PCDH15: variants seen among roughly 807,000 people sequenced by gnomAD.
The protein encoded by PCDH15 is protocadherin-15.
In PCDH15, 129 loss-of-function variants were observed where a neutral mutation model predicts 178.5. That is an observed-to-expected ratio of 0.72 (90% CI 0.63 to 0.84). The LOEUF is 0.84. Ranked by LOEUF, PCDH15 falls within the 40% of genes least tolerant of loss-of-function variation. The probability of loss-of-function intolerance (pLI) is 0.00; values close to 1 mark genes in which losing one functional copy is unlikely to be tolerated. For missense variants in PCDH15, 2,230 were observed against 2,099.9 expected, an observed-to-expected ratio of 1.06 and a Z score of -1.21; for synonymous variants, 800 against 732.0, an observed-to-expected ratio of 1.09 and a Z score of -1.50.
intron 3 of PCDH15, among the ~76,000 whole-genome samples, chr10:54,518,411 C>T (rs968153527): frequency 4.6e-5 from 7 of 151,990 alleles, no homozygotes; most frequent in African/African-American, 1.5e-4. Flanking sequence ...TACAAACTAC[C>T]ATCAGAGAAT....
chr10:54,854,119 A>G (rs946830655), intron 3 of PCDH15, among the ~76,000 whole-genome samples: 1 of 152,154 alleles, frequency 6.6e-6, no homozygotes, highest in African/African-American at 2.4e-5. Flanking sequence ...CGGGACGGGC[A>G]GCTCCTGATG....
In PCDH15 at chr10:54,237,498, A is replaced by G. The variant is rs551703183; in HGVS notation, c.877-567T>C. Among the ~76,000 whole-genome samples, 13 of 152,308 alleles carry G rather than the reference A, an allele frequency of 8.5e-5. No individual in the cohort carries two copies. In the East Asian group the frequency reaches 2.3e-3, roughly 27 times the overall value. On this transcript the variant is annotated intron_variant, in intron 8 of 37. Coordinates refer to ENST00000644397, the MANE Select transcript of PCDH15 (RefSeq NM_001384140.1). ...ATGGTCTATAAGAAATAATGTTTAA[A>G]ATTATAATATACTTCTTTAATTTGG... is the stretch of plus-strand genomic sequence containing the variant.
chr10:54,552,860 G>C (rs188248874), intron 2 of PCDH15, among the ~76,000 whole-genome samples: 1 of 152,112 alleles, frequency 6.6e-6, no homozygotes, highest in Admixed American at 6.6e-5. Flanking sequence ...AAAAAATAAA[G>C]AACTTCACTG....
rs180970495 is a variant in PCDH15, at chr10:54,193,314, A to G, written c.1305+2369T>C. Among the ~76,000 whole-genome samples, 27 of 152,302 alleles carry G rather than the reference A, an allele frequency of 1.8e-4. No individual in the cohort carries two copies. The South Asian group carries it at 2.7e-3, about 15-fold the overall frequency. ...AGGGCTTAGTGTGTAACCAATAGAT[A>G]ATATGAACACACTGAGAAGGTATAA... is the stretch of plus-strand genomic sequence containing the variant. On this transcript the variant is annotated intron_variant, in intron 11 of 37. Transcript: ENST00000644397.
chr10:54,702,313 C>G (rs1318858445), intron 1 of PCDH15, among the ~76,000 whole-genome samples: 1 of 151,246 alleles, frequency 6.6e-6, no homozygotes, highest in East Asian at 1.9e-4. Flanking sequence ...CAGTGTTAAA[C>G]AAAAATAAAC....
intron 18 of PCDH15, among the ~76,000 whole-genome samples, chr10:54,024,407 G>A (rs1222831730): frequency 1.3e-5 from 2 of 152,096 alleles, no homozygotes; most frequent in Non-Finnish European, 2.9e-5. Flanking sequence ...CATAAAGCGT[G>A]GAATGCAATA....
chr10:54,709,611 CATAT>C (rs59241461), intron 1 of PCDH15, among the ~76,000 whole-genome samples: 2 of 116,432 alleles, frequency 1.7e-5, no homozygotes, highest in East Asian at 2.4e-4. Context: ...TATATATATA[CATAT>C]ATATATATAT....
chr10:54,516,129 G>A (rs928793003), intron 3 of PCDH15, among the ~76,000 whole-genome samples: 4 of 152,262 alleles, frequency 2.6e-5, no homozygotes, highest in Admixed American at 6.5e-5. Context: ...CACCAGCAAC[G>A]GAACAAAGCT....
intron 1 of PCDH15, among the ~76,000 whole-genome samples, chr10:54,711,869 A>G (rs1392544790): frequency 6.6e-6 from 1 of 151,966 alleles, no homozygotes; most frequent in South Asian, 2.1e-4. Context: ...CCTGTATTAA[A>G]CCATTTTGCA....
At chr10:54,653,587 C>T (rs1454626647) in intron 2 of PCDH15, among the ~76,000 whole-genome samples, 1 of 152,126 alleles carries the variant, frequency 6.6e-6, no homozygotes, top group African/African-American at 2.4e-5. Context: ...GGGATCAAAA[C>T]TGTCCAGTAC....
chr10:54,164,808 A>T (rs2046054630), intron 13 of PCDH15, among the ~76,000 whole-genome samples: 1 of 147,028 alleles, frequency 6.8e-6, no homozygotes, highest in Non-Finnish European at 1.5e-5. Flanking sequence ...AGAAGTCATA[A>T]GATATTATAT....
At chr10:55,171,106 T>C (rs1416110438) in intron 1 of PCDH15, among the ~76,000 whole-genome samples, 1 of 152,144 alleles carries the variant, frequency 6.6e-6, no homozygotes, top group Non-Finnish European at 1.5e-5. Context: ...ATTCTAGCTG[T>C]TTTTATTCAA....
At chr10:55,162,155 C>G (rs546926995) in intron 2 of PCDH15, among the ~76,000 whole-genome samples, 1 of 152,090 alleles carries the variant, frequency 6.6e-6, no homozygotes, top group Non-Finnish European at 1.5e-5. Flanking sequence ...GAATACCAGA[C>G]TTTAGATACA....
intron 20 of PCDH15, among the ~76,000 whole-genome samples, chr10:54,015,797 A>G (rs1038970628): frequency 4.6e-5 from 7 of 152,000 alleles, no homozygotes; most frequent in African/African-American, 1.7e-4. Flanking sequence ...CTATAAAAAC[A>G]CAAAGATAAC....
chr10:55,327,958 C>A (rs1390945347), intron 2 of PCDH15, among the ~76,000 whole-genome samples: 2 of 151,960 alleles, frequency 1.3e-5, no homozygotes, highest in East Asian at 3.9e-4. Flanking sequence ...ATGATTACTT[C>A]CTTCACTGTT....
chr10:53,843,700 A>G (rs995236965), intron 28 of PCDH15, among the ~76,000 whole-genome samples: 2 of 152,134 alleles, frequency 1.3e-5, no homozygotes, highest in African/African-American at 4.8e-5. Context: ...TGATAAAAAA[A>G]GTCTTCATAT....
At chr10:54,196,407 G>A (rs2049662644) in intron 10 of PCDH15, among the ~76,000 whole-genome samples, 1 of 152,152 alleles carries the variant, frequency 6.6e-6, no homozygotes. Context: ...CTCCCAAAGT[G>A]CTGGGATTAC....
At position 55,281,771 on chromosome 10, in the gene PCDH15, A is replaced by G. The variant is rs572886353; in HGVS notation, c.-156+37828T>C. Among the ~76,000 whole-genome samples the G allele has an allele frequency of 3.9e-5, 6 of 152,272 alleles. No homozygotes were observed. The South Asian group carries it at 1.2e-3, about 32-fold the overall frequency. On this transcript the variant is annotated intron_variant, in intron 1 of 5. Coordinates refer to the PCDH15 transcript ENST00000458638. ...GAAACCAAACTTCTCACTCTACACAAAAAGAGTCCTATTCCAGAATTTTCT... is the reference window on the plus strand; with the variant it reads ...GAAACCAAACTTCTCACTCTACACAGAAAGAGTCCTATTCCAGAATTTTCT...
intron 1 of PCDH15, among the ~76,000 whole-genome samples, chr10:54,707,862 T>C (rs1241366445): frequency 2.0e-5 from 3 of 152,136 alleles, no homozygotes; most frequent in Non-Finnish European, 4.4e-5. Context: ...AGAGATCATT[T>C]TAAGAAGGGG....
Sources: allele counts gnomAD v4.1 joint callset (sites outside exome capture counted in the v4.1 genomes callset), GRCh38; gene constraint gnomAD v4.1.1; transcripts MANE v1.5; gene names NCBI Gene and HGNC (gene_info 2026-07-23, HGNC 2026-07-21).